The following MANBA variants were observed in gnomAD, a reference collection of about 807,000 sequenced individuals.
MANBA encodes beta-mannosidase.
Under a neutral mutation model 111.1 loss-of-function variants are expected in MANBA, and 83 were observed. The observed-to-expected ratio is 0.75, with a 90% confidence interval of 0.63 to 0.90. The LOEUF is 0.90. Among genes scored for constraint, MANBA ranks in the 40% least tolerant of loss-of-function variants. MANBA has a pLI of 0.00. For synonymous variants in MANBA, 370 were observed against 378.7 expected, an observed-to-expected ratio of 0.98 and a Z score of 0.27; for missense variants, 1,036 against 1,069.0, an observed-to-expected ratio of 0.97 and a Z score of 0.43.
In MANBA at chr4:102,719,084, G is replaced by A. The variant is rs540878417; in HGVS notation, c.549+3787C>T. Among the ~76,000 whole-genome samples, 4 of 152,274 alleles carry A rather than the reference G, an allele frequency of 2.6e-5. No homozygotes were observed. The East Asian group carries it at 7.7e-4, about 29-fold the overall frequency. ...CAGTCTGACTAGAATTTACCAGGCTGGAATTTCCCAATCCTAGTAAGCCTG... is the reference window on the plus strand; with the variant it reads ...CAGTCTGACTAGAATTTACCAGGCTAGAATTTCCCAATCCTAGTAAGCCTG... On this transcript the variant is annotated intron_variant, in intron 4 of 16. Coordinates refer to ENST00000647097, the MANE Select transcript of MANBA (RefSeq NM_005908.4).
intron 13 of MANBA, among the ~76,000 whole-genome samples, chr4:102,642,315 T>C (rs749024576): frequency 6.6e-6 from 1 of 152,208 alleles, no homozygotes; most frequent in Non-Finnish European, 1.5e-5. Context: ...GTTTTAAAAA[T>C]ATGCCTATTT....
chr4:102,689,348 C>CAAAA lies in MANBA; in HGVS notation c.960+222_960+225dup, dbSNP rs35110858. Among the ~76,000 whole-genome samples, 153 of 130,430 alleles carry CAAAA rather than the reference C, an allele frequency of 1.2e-3. 1 individual carries two copies. The highest frequency in any genetic ancestry group is 4.4e-3 in the African/African-American group (149 of 34,036). 85.6% of individuals were successfully genotyped at this position (130,430 alleles called of 152,430 possible). On this transcript the variant is annotated intron_variant, in intron 7 of 16. Coordinates refer to ENST00000647097, the MANE Select transcript of MANBA (RefSeq NM_005908.4). ...TGAGTGACAGAGCAAGACTCTGTCT[C>CAAAA]AAAAAAAAAAAATATATATATATAT... is the stretch of plus-strand genomic sequence containing the variant.
At chr4:102,660,303 A>C (rs994988008) in intron 11 of MANBA, among the ~76,000 whole-genome samples, 1 of 152,050 alleles carries the variant, frequency 6.6e-6, no homozygotes, top group Admixed American at 6.6e-5. Context: ...TTCCAATCCC[A>C]CACCACTGGA....
intron 4 of MANBA, among the ~76,000 whole-genome samples, chr4:102,720,620 A>C (rs1023290304): frequency 1.3e-5 from 2 of 151,958 alleles, no homozygotes; most frequent in South Asian, 2.1e-4. Flanking sequence ...AAAAAAAGGA[A>C]GGGGAGAGGG....
intron 13 of MANBA, among the ~76,000 whole-genome samples, chr4:102,641,751 T>A (rs2110195345): frequency 6.6e-6 from 1 of 152,184 alleles, no homozygotes. Flanking sequence ...CTAACATTAA[T>A]CTCCTCACTA....
intron 1 of MANBA, chr4:102,728,910 CACCTGCATA>C: frequency 1.3e-6 from 1 of 752,426 alleles, no homozygotes; most frequent in Admixed American, 1.8e-5. Context: ...GAGCTCAGAT[CACCTGCATA>C]ACCACTGGTG....
At chr4:102,662,308 G>A (rs569600448) in intron 11 of MANBA, among the ~76,000 whole-genome samples, 2 of 152,198 alleles carry the variant, frequency 1.3e-5, no homozygotes, top group Non-Finnish European at 2.9e-5. Flanking sequence ...TTCGGAGGCC[G>A]AGGTGGGTGG....
intron 13 of MANBA, among the ~76,000 whole-genome samples, chr4:102,646,199 T>C (rs1442590659): frequency 6.6e-6 from 1 of 152,110 alleles, no homozygotes; most frequent in African/African-American, 2.4e-5. Context: ...TTGGCTTGAT[T>C]ATTAAATTAC....
intron 7 of MANBA, among the ~76,000 whole-genome samples, chr4:102,677,233 C>T (rs1343824845): frequency 6.6e-6 from 1 of 152,076 alleles, no homozygotes; most frequent in Non-Finnish European, 1.5e-5. Flanking sequence ...ATGGAGTGAG[C>T]CTATCATTTC....
At chr4:102,734,635 C>A in intron 1 of MANBA, 1 of 1,546,950 alleles carries the variant, frequency 6.5e-7, no homozygotes, top group Non-Finnish European at 8.9e-7. Context: ...CCCGAGGAGC[C>A]AGACAGGCAG....
At chr4:102,746,971 CAA>C (rs575851183) in intron 1 of MANBA, among the ~76,000 whole-genome samples, 25 of 91,842 alleles carry the variant, frequency 2.7e-4, no homozygotes, top group Middle Eastern at 6.9e-3. Context: ...GACTCCATCT[CAA>C]AAAAAAAAAA....
chr4:102,655,314 A>G (rs952682562), intron 12 of MANBA, among the ~76,000 whole-genome samples: 33 of 152,174 alleles, frequency 2.2e-4, no homozygotes, highest in African/African-American at 8.0e-4. Context: ...TGGCAAATAG[A>G]TCCCAAGACT....
chr4:102,646,605 C>T (rs1254665030), intron 13 of MANBA, among the ~76,000 whole-genome samples: 1 of 152,132 alleles, frequency 6.6e-6, no homozygotes, highest in Admixed American at 6.6e-5. Context: ...CTGGCCTGCT[C>T]TCTTAGTGGC....
chr4:102,749,387 G>A (rs28416172), intron 1 of MANBA, among the ~76,000 whole-genome samples: 25,642 of 152,048 alleles, frequency 0.17, 2,926 homozygotes, highest in Non-Finnish European at 0.25. Context: ...TCCAAGAGAC[G>A]GAGAATACAG....
chr4:102,650,743 A>C, intron 12 of MANBA, 42 bp from the exon 13 acceptor site: 4 of 1,527,608 alleles, frequency 2.6e-6, no homozygotes, highest in Non-Finnish European at 3.6e-6. Context: ...GAAAGTTGGC[A>C]GTAAAACTAC....
At chr4:102,715,655 C>G (rs75808172) in intron 4 of MANBA, among the ~76,000 whole-genome samples, 1 of 152,190 alleles carries the variant, frequency 6.6e-6, no homozygotes, top group East Asian at 1.9e-4. Flanking sequence ...CCACCCTCCA[C>G]CTTCTGGCAG....
chr4:102,659,477 C>T (rs966209721), intron 11 of MANBA, among the ~76,000 whole-genome samples: 8 of 152,132 alleles, frequency 5.3e-5, no homozygotes, highest in African/African-American at 1.7e-4. Context: ...CTTTGCCAGA[C>T]TCTGTGTTCT....
chr4:102,743,276 T>C (rs1723474338), intron 1 of MANBA, among the ~76,000 whole-genome samples: 1 of 152,178 alleles, frequency 6.6e-6, no homozygotes, highest in South Asian at 2.1e-4. Context: ...GCCAAACCAT[T>C]GGCTACAGCC....
chr4:102,683,527 T>G lies in MANBA; in HGVS notation c.960+6047A>C, dbSNP rs1046591163. 9.8e-5 allele frequency among the ~76,000 whole-genome samples: 15 copies of G among 152,334 alleles called. 1 individual carries two copies. The highest frequency in any genetic ancestry group is 7.8e-4 in the Admixed American group (12 of 15,294). Reference sequence around the variant, plus strand: ...CATAATAAGCATTCAAAAATATGTATTAGTTCATTAAAACACGTTACCTAG... The same window carrying G: ...CATAATAAGCATTCAAAAATATGTAGTAGTTCATTAAAACACGTTACCTAG... On this transcript the variant is annotated intron_variant, in intron 7 of 16. Coordinates refer to ENST00000647097, the MANE Select transcript of MANBA (RefSeq NM_005908.4).
Sources: gnomAD v4.1 joint callset for allele counts (sites outside exome capture counted in the v4.1 genomes callset) on GRCh38, gnomAD v4.1.1 for gene constraint, MANE v1.5 for transcripts, NCBI Gene and HGNC (gene_info 2026-07-23, HGNC 2026-07-21) for gene names.